The following THTPA variants were observed in gnomAD, a reference collection of about 807,000 sequenced individuals.
THTPA encodes the protein thiamine triphosphatase, also known as thiamine-triphosphatase.
A neutral mutation model predicts 16.5 loss-of-function variants in THTPA; 16 were observed. That is an observed-to-expected ratio of 0.97 (90% CI 0.66 to 1.47). The LOEUF is 1.47. Ranked by LOEUF, THTPA falls within the 40% of genes most tolerant of loss-of-function variation. THTPA has a pLI of 0.00. For synonymous variants in THTPA, 110 were observed against 115.5 expected (o/e 0.95, Z 0.30); for missense variants, 281 against 280.9 (o/e 1.00, Z 0.00).
At chr14:23,533,143 A>C in the THTPA span, 1 of 1,463,878 alleles carries the variant, frequency 6.8e-7, no homozygotes, top group Non-Finnish European at 9.0e-7. This position sits in a 1 kb window ranked among gnomAD's most constrained non-coding sequence, Gnocchi z 4.8. Flanking sequence ...TTGGTTCTCT[A>C]TGTGGGGAGG....
the THTPA span, chr14:23,532,488 C>G: frequency 7.2e-7 from 1 of 1,391,894 alleles, no homozygotes; most frequent in Non-Finnish European, 9.3e-7. Flanking sequence ...GTTTTCCTAT[C>G]ACTTTCTTAT....
the THTPA span, among the ~76,000 whole-genome samples, chr14:23,528,005 C>G: frequency 6.7e-6 from 1 of 149,678 alleles, no homozygotes; most frequent in Non-Finnish European, 1.5e-5. Context: ...CTTCCAGGTT[C>G]AAGCAATTCT....
At position 23,560,181 on chromosome 14, in the gene THTPA, C is replaced by T; in HGVS notation, c.*1341C>T. On this transcript the variant is annotated 3_prime_UTR_variant, in exon 2 of 2. Transcript: ENST00000288014. ...CTCAATCCCATCTCACACTGTCTCC[C>T]ACCCACCTCCTCCACTTAGTGGCCT... 6.4e-7 allele frequency: 1 copy of T among 1,563,288 alleles called. No individual in the cohort carries two copies. Among genetic ancestry groups the T allele is most frequent in the Non-Finnish European group, 8.7e-7 (1 of 1,143,804 alleles).
At chr14:23,526,977 C>A in the THTPA span, 4 of 1,502,800 alleles carry the variant, frequency 2.7e-6, no homozygotes, top group Non-Finnish European at 2.6e-6. Context: ...TTGTAGCCTG[C>A]AATGAGAAAA....
At chr14:23,538,563 C>G in the THTPA span, among the ~76,000 whole-genome samples, 1 of 152,168 alleles carries the variant, frequency 6.6e-6, no homozygotes, top group African/African-American at 2.4e-5. Flanking sequence ...ACCCCCAAGA[C>G]CAAGATTCTT....
At chr14:23,529,826 G>A in the THTPA span, 3 of 1,493,202 alleles carry the variant, frequency 2.0e-6, no homozygotes, top group Non-Finnish European at 2.7e-6. Flanking sequence ...ATGATTTGTA[G>A]CAGAGAGCTT....
At position 23,559,589 on chromosome 14, in the gene THTPA, T is replaced by C. The variant is rs1883050873; in HGVS notation, c.*749T>C. 1.6e-6 allele frequency: 1 copy of C among 640,442 alleles called. No homozygotes were observed. Among genetic ancestry groups the C allele is most frequent in the African/African-American group, 1.8e-5 (1 of 54,684 alleles). The allele number at this position is 640,442 out of a possible 1,614,324, so 39.7% of individuals were successfully genotyped here. On this transcript the variant is annotated 3_prime_UTR_variant, in exon 2 of 2. Transcript: ENST00000288014. Reference sequence around the variant, plus strand: ...ATATGGCTTTCCTCACTTCTCAGGCTTTATTGGGCTTTATTTGTGGGAGAA... The same window carrying C: ...ATATGGCTTTCCTCACTTCTCAGGCCTTATTGGGCTTTATTTGTGGGAGAA...
the THTPA span, among the ~76,000 whole-genome samples, chr14:23,512,230 C>T: frequency 3.3e-5 from 5 of 152,168 alleles, 1 homozygote; most frequent in Admixed American, 2.6e-4. Flanking sequence ...GGAGAAATAG[C>T]AGAGGTTGCA....
chr14:23,552,969 C>T (rs1882086783), upstream of THTPA, among the ~76,000 whole-genome samples: 3 of 152,138 alleles, frequency 2.0e-5, no homozygotes, highest in South Asian at 6.2e-4. Flanking sequence ...AGCACTTTTA[C>T]ATACATTGTT....
At chr14:23,530,159 TG>T in the THTPA span, 1 of 1,535,558 alleles carries the variant, frequency 6.5e-7, no homozygotes, top group Non-Finnish European at 8.7e-7. Flanking sequence ...TTCTCAGGGG[TG>T]GGTGGCTCAG....
the THTPA span, among the ~76,000 whole-genome samples, chr14:23,518,919 G>A: frequency 6.6e-6 from 1 of 152,204 alleles, no homozygotes; most frequent in Non-Finnish European, 1.5e-5. The surrounding 1 kb of genome is among the most constrained non-coding windows in gnomAD (Gnocchi z 4.5). Context: ...AAGGACTTCT[G>A]GTGTGAGAAA....
rs955912866 is a variant in THTPA at position 23,556,303 on chromosome 14, C to T, written c.-455C>T. ...GCGAGTGTATGGCGTGGGCTCCCTT[C>T]CCCCTCTGTGGGTCCCGCGAGGAGA... On this transcript the variant is annotated 5_prime_UTR_variant, in exon 1 of 2. Coordinates refer to ENST00000288014, the MANE Select transcript of THTPA (RefSeq NM_024328.6). 2 of 159,952 alleles carry T rather than the reference C, an allele frequency of 1.3e-5. No individual in the cohort carries two copies. Among genetic ancestry groups the T allele is most frequent in the Admixed American group, 1.2e-4 (2 of 16,498 alleles). 9.9% of individuals were successfully genotyped at this position (159,952 alleles called of 1,614,324 possible).
chr14:23,534,851 C>A, the THTPA span: 1 of 1,536,084 alleles, frequency 6.5e-7, no homozygotes. The surrounding 1 kb of genome is among the most constrained non-coding windows in gnomAD (Gnocchi z 4.5). Flanking sequence ...GGTGGGTAGG[C>A]AAGGAAGGGC....
At chr14:23,518,488 CT>C in the THTPA span, among the ~76,000 whole-genome samples, 1 of 152,188 alleles carries the variant, frequency 6.6e-6, no homozygotes, top group Non-Finnish European at 1.5e-5. This position sits in a 1 kb window ranked among gnomAD's most constrained non-coding sequence, Gnocchi z 4.5. Context: ...GCCATTAAGG[CT>C]TCAGATTTTC....
chr14:23,554,724 A>ACTCACTGGTCATG (rs1211007777), upstream of THTPA, among the ~76,000 whole-genome samples: 17 of 152,102 alleles, frequency 1.1e-4, 1 homozygote, highest in African/African-American at 4.1e-4. Flanking sequence ...CCTTCTCCCT[A>ACTCACTGGTCATG]TAATACCTCT....
chr14:23,529,542 C>CG, the THTPA span: 1 of 690,228 alleles, frequency 1.4e-6, no homozygotes, highest in Non-Finnish European at 2.5e-6. Flanking sequence ...GCTCTGCCCC[C>CG]GAAAGTGCTG....
the THTPA span, chr14:23,537,922 G>A: frequency 6.6e-6 from 1 of 152,378 alleles, no homozygotes; most frequent in Non-Finnish European, 1.5e-5. Flanking sequence ...GCCGCCAAGG[G>A]CTGTACACAG....
At chr14:23,535,348 G>A in the THTPA span, 3 of 1,442,008 alleles carry the variant, frequency 2.1e-6, no homozygotes, top group East Asian at 2.5e-5. The surrounding 1 kb of genome is among the most constrained non-coding windows in gnomAD (Gnocchi z 4.5). Context: ...AGTGCTGGGG[G>A]CTCATGTCAG....
Position 23,557,106 on chromosome 14 carries a change from G to T in THTPA, c.349G>T (p.Glu117Ter), listed in dbSNP as rs1882472729. Residue 117 changes from glutamate to a stop codon, truncating the protein, a stop_gained, in exon 1 of 2, where the codon GAA becomes TAA. Transcript: ENST00000288014. LOFTEE classifies it high-confidence loss of function. ...TGTGCTGGGCCCACTGGGGCTGCAG[G>T]AAGTAGCTAGTTTTGTGACTAAGCG... The part of the protein sequence containing the change: ...AAVLGPLGLQ[E>*]VASFVTKRSA... 1.9e-6 allele frequency: 3 copies of T among 1,614,238 alleles called. No homozygotes were observed. The East Asian group carries it at 6.7e-5, about 36-fold the overall frequency.
Sources: allele counts gnomAD v4.1 joint callset (sites outside exome capture counted in the v4.1 genomes callset), GRCh38; gene constraint gnomAD v4.1.1; non-coding constraint Gnocchi (gnomAD v3.1); transcripts MANE v1.5; gene names NCBI Gene and HGNC (gene_info 2026-07-23, HGNC 2026-07-21).